Variants in PIGU observed in about 807,000 individuals in gnomAD.
PIGU encodes the protein phosphatidylinositol glycan anchor biosynthesis class U, also known as GPI-anchor transamidase component PIGU.
PIGU carries 24 observed loss-of-function variants against 49.9 expected under a neutral mutation model. That is an observed-to-expected ratio of 0.48 (90% CI 0.35 to 0.68). The LOEUF is 0.68. PIGU is among the 30% of genes least tolerant of loss of function. PIGU has a pLI of 0.01. For missense variants in PIGU, 490 were observed against 532.6 expected, an observed-to-expected ratio of 0.92 and a Z score of 0.79; for synonymous variants, 220 against 205.7, an observed-to-expected ratio of 1.07 and a Z score of -0.59.
At chr20:34,594,621 A>G (rs893670062) in intron 7 of PIGU, among the ~76,000 whole-genome samples, 21 of 152,308 alleles carry the variant, frequency 1.4e-4, no homozygotes, top group African/African-American at 5.1e-4. Context: ...TAAAAATACA[A>G]AACTTAACTG....
At chr20:34,629,305 AG>A (rs1178292815) in intron 6 of PIGU, among the ~76,000 whole-genome samples, 2 of 152,190 alleles carry the variant, frequency 1.3e-5, no homozygotes, top group African/African-American at 4.8e-5. Context: ...TACAGGCGTG[AG>A]CCACCATGCC....
At chr20:34,660,062 A>G (rs1218169995) in intron 1 of PIGU, among the ~76,000 whole-genome samples, 3 of 150,940 alleles carry the variant, frequency 2.0e-5, no homozygotes, top group Non-Finnish European at 4.4e-5. Flanking sequence ...AAAAAAAAAA[A>G]AAAAAAGAAC....
chr20:34,588,454 T>C lies in PIGU; in HGVS notation c.781A>G (p.Ile261Val), dbSNP rs751554141. 1.9e-6 allele frequency: 3 copies of C among 1,612,432 alleles called. No homozygotes were observed. The highest frequency in any genetic ancestry group is 4.5e-5 in the East Asian group (2 of 44,858). ...WDFIPAVYGF[I>V]LSVPDLTPNI... ...TTTTCTAACGTGGTCATTACTTACA[T>C]AAAGCCATAGACTGCGGGGATGAAA... Residue 261 changes from isoleucine to valine, a missense_variant and splice_region_variant, in exon 8 of 12, where the codon ATA (isoleucine) becomes GTA (valine). Transcript: ENST00000217446.
chr20:34,644,242 G>T lies in PIGU; in HGVS notation c.256-16C>A, dbSNP rs749258543. 3.8e-6 allele frequency: 6 copies of T among 1,578,712 alleles called. No individual in the cohort carries two copies. Among genetic ancestry groups the T allele is most frequent in the Non-Finnish European group, 3.5e-6 (4 of 1,148,532 alleles). ...CATCAGTTATCTGTCAAAAGAAAGAGAAATAATAGGAAATGGAACACAGTA... is the reference window on the plus strand; with the variant it reads ...CATCAGTTATCTGTCAAAAGAAAGATAAATAATAGGAAATGGAACACAGTA... On this transcript the variant is annotated splice_polypyrimidine_tract_variant and intron_variant, in intron 3 of 11. Transcript: ENST00000217446.
At chr20:34,572,822 G>A (rs953315550) in intron 11 of PIGU, among the ~76,000 whole-genome samples, 1 of 152,086 alleles carries the variant, frequency 6.6e-6, no homozygotes, top group African/African-American at 2.4e-5. Context: ...CTACTTAAAG[G>A]AGAATGCCAT....
At chr20:34,614,943 G>T (rs1391309656) in intron 7 of PIGU, among the ~76,000 whole-genome samples, 1 of 152,234 alleles carries the variant, frequency 6.6e-6, no homozygotes, top group Non-Finnish European at 1.5e-5. Flanking sequence ...TTTGGACCAT[G>T]TGGGGCCTGC....
At chr20:34,580,110 C>T (rs2146704547) in intron 10 of PIGU, among the ~76,000 whole-genome samples, 1 of 152,312 alleles carries the variant, frequency 6.6e-6, no homozygotes, top group South Asian at 2.1e-4. Context: ...GGATGAAAGA[C>T]AGTCACTGAG....
intron 2 of PIGU, among the ~76,000 whole-genome samples, chr20:34,651,399 T>G (rs189213515): frequency 1.2e-4 from 19 of 152,354 alleles, no homozygotes; most frequent in Non-Finnish European, 2.4e-4. Context: ...ACTTACAAAT[T>G]GGTAAATGCT....
At chr20:34,620,062 C>T (rs761663200) in intron 6 of PIGU, among the ~76,000 whole-genome samples, 2 of 152,134 alleles carry the variant, frequency 1.3e-5, no homozygotes, top group African/African-American at 2.4e-5. Flanking sequence ...ACCTCCCATC[C>T]AAGTCCATCT....
chr20:34,643,935 A>C, intron 4 of PIGU: 1 of 362,128 alleles, frequency 2.8e-6, no homozygotes, highest in Non-Finnish European at 5.3e-6. Context: ...GGATATTAAT[A>C]GTTATTAATA....
intron 11 of PIGU, among the ~76,000 whole-genome samples, chr20:34,572,161 G>T (rs1016755807): frequency 8.6e-5 from 13 of 152,018 alleles, no homozygotes; most frequent in African/African-American, 2.2e-4. Flanking sequence ...GATATGCAAG[G>T]CTCTTCCATT....
chr20:34,591,663 T>C (rs1983994795), intron 7 of PIGU, among the ~76,000 whole-genome samples: 1 of 152,208 alleles, frequency 6.6e-6, no homozygotes, highest in Non-Finnish European at 1.5e-5. Context: ...GTATCACTTA[T>C]TTGTTGTGAG....
At chr20:34,569,527 G>A (rs552996586) in intron 11 of PIGU, among the ~76,000 whole-genome samples, 43 of 152,242 alleles carry the variant, frequency 2.8e-4, no homozygotes, top group Admixed American at 1.2e-3. Context: ...TACTGCAACC[G>A]GCCTACTAAA....
At position 34,654,900 on chromosome 20, in the gene PIGU, G is replaced by T. The variant is rs1167335242; in HGVS notation, c.195+2280C>A. On this transcript the variant is annotated intron_variant, in intron 2 of 11. Transcript: ENST00000217446. The stretch of plus-strand genomic sequence containing the variant: ...CGTGCCTGTGGTCCCAGCTTCTCGG[G>T]AGGCTGAGGCAGAGGAGTCGCTTGA... Among the ~76,000 whole-genome samples, 2 of 116,580 alleles carry T rather than the reference G, an allele frequency of 1.7e-5. 1 individual carries two copies. The highest frequency in any genetic ancestry group is 3.6e-5 in the Non-Finnish European group (2 of 55,238). The allele number at this position is 116,580 out of a possible 152,430, so 76.5% of individuals were successfully genotyped here.
chr20:34,659,792 C>G (rs994248976), intron 1 of PIGU, among the ~76,000 whole-genome samples: 1 of 152,140 alleles, frequency 6.6e-6, no homozygotes, highest in African/African-American at 2.4e-5. Context: ...TGTGTCCACT[C>G]AGGGTTAAAT....
At chr20:34,663,726 T>C (rs1347637877) in intron 1 of PIGU, among the ~76,000 whole-genome samples, 2 of 152,182 alleles carry the variant, frequency 1.3e-5, no homozygotes, top group Non-Finnish European at 2.9e-5. Context: ...TGCTGCGTAA[T>C]AGCTATTAAA....
intron 5 of PIGU, 94 bp from the exon 6 acceptor site, chr20:34,634,809 T>G: frequency 6.6e-7 from 1 of 1,509,452 alleles, no homozygotes; most frequent in Non-Finnish European, 8.9e-7. Context: ...ATTAAAAGCT[T>G]ACGCAAAGGA....
At chr20:34,576,335 C>T (rs1386822212) in intron 10 of PIGU, among the ~76,000 whole-genome samples, 1 of 152,168 alleles carries the variant, frequency 6.6e-6, no homozygotes, top group African/African-American at 2.4e-5. Flanking sequence ...TCACTGGCTA[C>T]ATTAGTTTTC....
intron 1 of PIGU, among the ~76,000 whole-genome samples, chr20:34,675,508 C>T (rs1987471479): frequency 6.6e-6 from 1 of 152,130 alleles, no homozygotes; most frequent in African/African-American, 2.4e-5. Flanking sequence ...TTACCATTCC[C>T]CAACTAGGAA....
Sources: allele counts gnomAD v4.1 joint callset (sites outside exome capture counted in the v4.1 genomes callset), GRCh38; gene constraint gnomAD v4.1.1; transcripts MANE v1.5; gene names NCBI Gene and HGNC (gene_info 2026-07-23, HGNC 2026-07-21).